RBM20: variants seen among roughly 807,000 people sequenced by gnomAD.
RBM20 encodes the protein RNA-binding protein 20.
A neutral mutation model predicts 110.1 loss-of-function variants in RBM20; 51 were observed. The ratio of observed to expected loss-of-function variants is 0.46; its 90% CI spans 0.37 to 0.59. The LOEUF is 0.59. RBM20 is among the 20% of genes least tolerant of loss of function. The pLI, the probability that RBM20 is intolerant of heterozygous loss-of-function variation, is 0.00. For missense variants in RBM20, 1,512 were observed against 1,574.9 expected (o/e 0.96, Z 0.68); for synonymous variants, 589 against 618.2 (o/e 0.95, Z 0.70).
chr10:110,643,302 C>A (rs945424452), upstream of RBM20, among the ~76,000 whole-genome samples: 9 of 150,480 alleles, frequency 6.0e-5, no homozygotes, highest in Non-Finnish European at 1.0e-4. Flanking sequence ...TTTCTCTGGT[C>A]TTTCTCTGCT....
rs1843681356 is a variant in RBM20, at chr10:110,737,193, A to AAAACAAAAC, written c.192-43605_192-43604insCAAAACAAA. 1.7e-5 allele frequency among the ~76,000 whole-genome samples: 2 copies of AAAACAAAAC among 116,448 alleles called. 1 individual carries two copies. The highest frequency in any genetic ancestry group is 7.3e-5 in the African/African-American group (2 of 27,382). 76.4% of individuals were successfully genotyped at this position (116,448 alleles called of 152,430 possible). A position where few individuals can be genotyped will look rare whatever the true frequency, so the allele number is the denominator to read the frequency against. On this transcript the variant is annotated intron_variant, in intron 1 of 13. Coordinates refer to ENST00000369519, the MANE Select transcript of RBM20 (RefSeq NM_001134363.3). ...ACTCTGCCTCAAAAAAAAAAAAAAA[A>AAAACAAAAC]AAAACACCCCACACACACACTCAAA...
At chr10:110,701,166 G>T (rs989833690) in intron 1 of RBM20, among the ~76,000 whole-genome samples, 2 of 152,186 alleles carry the variant, frequency 1.3e-5, no homozygotes, top group African/African-American at 4.8e-5. Flanking sequence ...ATACCTGTGT[G>T]AGCCGGGGGT....
At chr10:110,817,219 G>A (rs750747249) in intron 9 of RBM20, among the ~76,000 whole-genome samples, 8 of 152,190 alleles carry the variant, frequency 5.3e-5, no homozygotes, top group Admixed American at 6.5e-5. Flanking sequence ...CTGTGGGGCC[G>A]GAGCTACTGC....
intron 1 of RBM20, among the ~76,000 whole-genome samples, chr10:110,659,749 T>TTCTTCTTCCTCTTCC (rs1317958757): frequency 6.7e-6 from 1 of 149,424 alleles, no homozygotes; most frequent in South Asian, 2.1e-4. Context: ...CCTCTTCCTC[T>TTCTTCTTCCTCTTCC]TCTTCTTCCT....
At position 110,804,337 on chromosome 10, in the gene RBM20, G is replaced by A. The variant is rs187064109; in HGVS notation, c.1800+4419G>A. On this transcript the variant is annotated intron_variant, in intron 7 of 13. Transcript: ENST00000369519. Reference sequence around the variant, plus strand: ...ATCAGGAGGAGGGAGAGTGGCTACCGGGAAGGTAGAGGGCAAACACTGTAT... The same window carrying A: ...ATCAGGAGGAGGGAGAGTGGCTACCAGGAAGGTAGAGGGCAAACACTGTAT... Among the ~76,000 whole-genome samples the A allele has an allele frequency of 2.8e-3, 425 of 152,254 alleles. 1 individual carries two copies. Among genetic ancestry groups the A allele is most frequent in the Non-Finnish European group, 5.0e-3 (337 of 68,018 alleles).
At chr10:110,714,295 CA>C (rs1862984144) in intron 1 of RBM20, among the ~76,000 whole-genome samples, 1 of 152,108 alleles carries the variant, frequency 6.6e-6, no homozygotes, top group African/African-American at 2.4e-5. Flanking sequence ...TCTTGGAGGT[CA>C]ATGAAAAGGT....
rs539774646 is a variant in RBM20, at chr10:110,644,336, G to T, written c.-119G>T. 1.8e-4 allele frequency: 133 copies of T among 739,314 alleles called. No homozygotes were observed. The African/African-American group carries it at 2.2e-3, about 12-fold the overall frequency. The allele number at this position is 739,314 out of a possible 1,614,324, so 45.8% of individuals were successfully genotyped here. A position where few individuals can be genotyped will look rare whatever the true frequency, so the allele number is the denominator to read the frequency against. On this transcript the variant is annotated 5_prime_UTR_variant, in exon 1 of 14. Coordinates refer to ENST00000369519, the MANE Select transcript of RBM20 (RefSeq NM_001134363.3). The surrounding 1 kb of genome is among the most constrained non-coding windows in gnomAD (Gnocchi z 4.3). Reference sequence around the variant, plus strand: ...TCCCCGCCCCTCGCGTCTCCTCCCCGCGCCACCGGGAAGGACAAGGGGACT... The same window carrying T: ...TCCCCGCCCCTCGCGTCTCCTCCCCTCGCCACCGGGAAGGACAAGGGGACT...
chr10:110,671,447 C>T (rs764099491), intron 1 of RBM20, among the ~76,000 whole-genome samples: 14 of 152,128 alleles, frequency 9.2e-5, no homozygotes, highest in East Asian at 1.9e-4. Context: ...AATAACTAAG[C>T]GGAACCACTC....
rs141772286 is a variant in RBM20, at chr10:110,836,226, C to G, written c.*248C>G. On this transcript the variant is annotated 3_prime_UTR_variant, in exon 14 of 14. Transcript: ENST00000369519. ...TCTCTCCCTGCTGACTCTTGTTTCTCTCAATCTTTCAATTCGTTTTTCTCT... is the reference window on the plus strand; with the variant it reads ...TCTCTCCCTGCTGACTCTTGTTTCTGTCAATCTTTCAATTCGTTTTTCTCT... The G allele has an allele frequency of 3.0e-4, 95 of 318,994 alleles. 1 individual carries two copies. The highest frequency in any genetic ancestry group is 1.9e-3 in the African/African-American group (88 of 47,090). The allele number at this position is 318,994 out of a possible 1,614,324, so 19.8% of individuals were successfully genotyped here.
intron 5 of RBM20, among the ~76,000 whole-genome samples, chr10:110,796,755 T>TA (rs1293431643): frequency 6.6e-6 from 1 of 151,992 alleles, no homozygotes; most frequent in Non-Finnish European, 1.5e-5. Context: ...TCTGACTTCT[T>TA]AAAAAAAATT....
intron 9 of RBM20, among the ~76,000 whole-genome samples, chr10:110,814,652 C>A (rs572064088): frequency 1.3e-5 from 2 of 152,174 alleles, no homozygotes; most frequent in East Asian, 3.9e-4. Flanking sequence ...TGCGCCACCA[C>A]GCCCGGCTAA....
chr10:110,758,668 G>C (rs1798904571), intron 1 of RBM20, among the ~76,000 whole-genome samples: 1 of 152,178 alleles, frequency 6.6e-6, no homozygotes, highest in Admixed American at 6.5e-5. Flanking sequence ...TGTCTAGCAT[G>C]ATAATCGCTA....
chr10:110,807,169 T>C (rs1844705294), intron 7 of RBM20, among the ~76,000 whole-genome samples: 1 of 152,082 alleles, frequency 6.6e-6, no homozygotes, highest in Non-Finnish European at 1.5e-5. Context: ...TTGGGATTAG[T>C]GTTAGGGAGC....
At chr10:110,746,296 G>A (rs1255101959) in intron 1 of RBM20, among the ~76,000 whole-genome samples, 1 of 152,160 alleles carries the variant, frequency 6.6e-6, no homozygotes, top group Non-Finnish European at 1.5e-5. Flanking sequence ...CAAGTCAAGA[G>A]CCCAGCCCAG....
chr10:110,793,840 T>C (rs781361648), intron 5 of RBM20, among the ~76,000 whole-genome samples: 45 of 152,374 alleles, frequency 3.0e-4, no homozygotes, highest in Non-Finnish European at 5.9e-4. Flanking sequence ...CACATTACCA[T>C]ATTGATAAAG....
At chr10:110,660,786 A>G (rs1422438549) in intron 1 of RBM20, among the ~76,000 whole-genome samples, 7 of 152,076 alleles carry the variant, frequency 4.6e-5, no homozygotes. Flanking sequence ...ATTTCCTTAT[A>G]TATTACAATA....
In RBM20 at chr10:110,784,351, C is replaced by T. The variant is rs886039129; in HGVS notation, c.1348C>T (p.Arg450Trp). ...TCTCGCCCTCTCCAGTGCTGGCATC[C>T]GGTGTATACTTGGTTCGGCAGAGGG... is the stretch of plus-strand genomic sequence containing the variant. ...CLVFSENAGIRCILGSAEGTL... is the reference protein window; with the variant it reads ...CLVFSENAGIWCILGSAEGTL... Residue 450 changes from arginine to tryptophan, a missense_variant, in exon 4 of 14, where the codon CGG becomes TGG. Physicochemically the swap from Arg to Trp is moderately radical, Grantham distance 101. Transcript: ENST00000369519. The T allele has an allele frequency of 5.8e-6, 9 of 1,550,450 alleles. No individual in the cohort carries two copies. Among genetic ancestry groups the T allele is most frequent in the Non-Finnish European group, 6.1e-6 (7 of 1,146,428 alleles).
chr10:110,712,494 C>T (rs183676639), intron 1 of RBM20, among the ~76,000 whole-genome samples: 6 of 152,242 alleles, frequency 3.9e-5, no homozygotes, highest in East Asian at 1.9e-4. Flanking sequence ...AGGCTGGGTG[C>T]GGTGGCTCAC....
intron 1 of RBM20, among the ~76,000 whole-genome samples, chr10:110,757,083 C>A (rs147100981): frequency 2.8e-4 from 42 of 152,286 alleles, no homozygotes; most frequent in African/African-American, 9.6e-4. Context: ...TCTTGGCAAG[C>A]TATTGGGCTG....
Sources: gnomAD v4.1 joint callset for allele counts (sites outside exome capture counted in the v4.1 genomes callset) on GRCh38, gnomAD v4.1.1 for gene constraint, Gnocchi (gnomAD v3.1) non-coding constraint, MANE v1.5 for transcripts, NCBI Gene and HGNC (gene_info 2026-07-23, HGNC 2026-07-21) for gene names.